The following IQGAP1 variants were observed in gnomAD, a reference collection of about 807,000 sequenced individuals.
IQGAP1 encodes ras GTPase-activating-like protein IQGAP1.
In IQGAP1, 66 loss-of-function variants were observed where a neutral mutation model predicts 215.6. The observed-to-expected ratio is 0.31, with a 90% CI of 0.25 to 0.38. The LOEUF is 0.38. Among genes scored for constraint, IQGAP1 ranks in the 10% least tolerant of loss-of-function variants. The pLI is 1.00. For synonymous variants in IQGAP1, 772 were observed against 728.7 expected, an observed-to-expected ratio of 1.06 and a Z score of -0.96; for missense variants, 1,712 against 1,997.1, an observed-to-expected ratio of 0.86 and a Z score of 2.72.
At chr15:90,492,281 T>G (rs1172875081) in intron 34 of IQGAP1, among the ~76,000 whole-genome samples, 1 of 152,090 alleles carries the variant, frequency 6.6e-6, no homozygotes, top group Non-Finnish European at 1.5e-5. Flanking sequence ...AGTTTTTTAA[T>G]TAGCCAGATG....
rs1411154678 is a variant in IQGAP1, at chr15:90,483,404, T to C, written c.3599T>C (p.Ile1200Thr). The C allele has an allele frequency of 1.2e-6, 2 of 1,614,050 alleles. No individual in the cohort carries two copies. The highest frequency in any genetic ancestry group is 1.7e-6 in the Non-Finnish European group (2 of 1,180,022). Residue 1200 changes from isoleucine (I) to threonine (T), a missense_variant, in exon 29 of 38, where the codon ATT becomes ACT. Physicochemically the swap from Ile to Thr is moderately conservative, Grantham distance 89 (BLOSUM62 -1). Around this residue, in one of 2 missense-constraint regions of IQGAP1, gnomAD observed 691 missense variants for 923.0 expected, o/e 0.75. Coordinates refer to ENST00000268182, the MANE Select transcript of IQGAP1 (RefSeq NM_003870.4). ...TATTATCGATACATGAATCCAGCCA[T>C]TGTTGCTCCTGATGCCTTTGACATC... ...LLYYRYMNPA[I>T]VAPDAFDIID... is the part of the protein sequence containing the mutation.
At chr15:90,438,331 C>T (rs997997674) in intron 5 of IQGAP1, among the ~76,000 whole-genome samples, 1 of 152,154 alleles carries the variant, frequency 6.6e-6, no homozygotes, top group Non-Finnish European at 1.5e-5. Context: ...GGCTTATGGA[C>T]ATTAATTTAT....
intron 2 of IQGAP1, among the ~76,000 whole-genome samples, chr15:90,422,251 C>T (rs1965147107): frequency 6.6e-6 from 1 of 152,080 alleles, no homozygotes; most frequent in Admixed American, 6.5e-5. Context: ...TATTGGATGA[C>T]CTTGGATCAG....
intron 15 of IQGAP1, among the ~76,000 whole-genome samples, chr15:90,459,726 T>C (rs563424873): frequency 6.6e-6 from 1 of 152,314 alleles, no homozygotes; most frequent in South Asian, 2.1e-4. Flanking sequence ...GTTTTGTTTT[T>C]TGTTTTTGGC....
At chr15:90,416,698 C>T (rs1341605955) in intron 2 of IQGAP1, among the ~76,000 whole-genome samples, 2 of 152,064 alleles carry the variant, frequency 1.3e-5, no homozygotes, top group Non-Finnish European at 2.9e-5. Context: ...CTGCCTCAGC[C>T]TCCCGAGTAG....
At chr15:90,395,329 G>GT (rs960382150) in intron 2 of IQGAP1, among the ~76,000 whole-genome samples, 64 of 148,732 alleles carry the variant, frequency 4.3e-4, no homozygotes, top group East Asian at 4.1e-3. Flanking sequence ...TTGTTTTTTT[G>GT]TTTTTTTTTG....
chr15:90,477,897 A>C lies in IQGAP1; in HGVS notation c.3329+8A>C, dbSNP rs769908058. ...TCAGACAGGAGAGGCAAGGTATGTT[A>C]ACCATAATGACACTTTTCTTTCATG... is the stretch of plus-strand genomic sequence containing the variant. On this transcript the variant is annotated splice_region_variant and intron_variant, in intron 26 of 37. Transcript: ENST00000268182. The C allele has an allele frequency of 6.5e-5, 100 of 1,533,054 alleles. No individual in the cohort carries two copies. The highest frequency in any genetic ancestry group is 8.7e-5 in the Non-Finnish European group (96 of 1,106,244). 95.0% of individuals were successfully genotyped at this position (1,533,054 alleles called of 1,614,324 possible).
chr15:90,474,924 C>G (rs8035825), intron 23 of IQGAP1: 11 of 521,090 alleles, frequency 2.1e-5, no homozygotes, highest in Admixed American at 6.3e-5. Context: ...ATTCTCCTCC[C>G]TCAACCTCCT....
intron 19 of IQGAP1, 69 bp from the exon 20 acceptor site, chr15:90,473,646 A>T (rs1224381598): frequency 1.7e-6 from 2 of 1,153,798 alleles, no homozygotes. Context: ...TATCAAGATG[A>T]AAGTTTTTTT....
At chr15:90,440,801 G>A (rs925588580) in intron 7 of IQGAP1, among the ~76,000 whole-genome samples, 186 bp downstream of exon 7, 4 of 152,222 alleles carry the variant, frequency 2.6e-5, no homozygotes, top group Non-Finnish European at 5.9e-5. Context: ...TCTGATTAAA[G>A]TGAAAGCATT....
intron 15 of IQGAP1, among the ~76,000 whole-genome samples, chr15:90,460,636 A>C (rs1020615027): frequency 2.0e-5 from 3 of 152,098 alleles, no homozygotes; most frequent in African/African-American, 7.2e-5. Context: ...CACTGTTCTT[A>C]CTGAGTTTCA....
In IQGAP1 at chr15:90,490,431, G is replaced by C. The variant is rs190275680; in HGVS notation, c.4249-902G>C. Reference sequence around the variant, plus strand: ...AACAGTGAGTGTAGATCATATGTTGGACAGGGACAGACAATGGACGGTGAC... The same window carrying C: ...AACAGTGAGTGTAGATCATATGTTGCACAGGGACAGACAATGGACGGTGAC... On this transcript the variant is annotated intron_variant, in intron 33 of 37. Coordinates refer to ENST00000268182, the MANE Select transcript of IQGAP1 (RefSeq NM_003870.4). 2.2e-3 allele frequency among the ~76,000 whole-genome samples: 311 copies of C among 141,584 alleles called. 1 individual carries two copies. The highest frequency in any genetic ancestry group is 5.2e-4 in the Non-Finnish European group (33 of 63,850). 92.9% of individuals were successfully genotyped at this position (141,584 alleles called of 152,430 possible).
At chr15:90,440,230 G>A (rs1207468581) in intron 6 of IQGAP1, among the ~76,000 whole-genome samples, 1 of 152,184 alleles carries the variant, frequency 6.6e-6, no homozygotes, top group Non-Finnish European at 1.5e-5. Flanking sequence ...TGTAGGAAAT[G>A]CCATAAGTAG....
At chr15:90,490,287 A>G (rs900765087) in intron 33 of IQGAP1, among the ~76,000 whole-genome samples, 14 of 152,244 alleles carry the variant, frequency 9.2e-5, no homozygotes, top group African/African-American at 1.7e-4. Context: ...CAAACCATGC[A>G]TAGAGCAAGA....
intron 11 of IQGAP1, among the ~76,000 whole-genome samples, chr15:90,451,914 C>G (rs941070109): frequency 6.6e-6 from 1 of 151,770 alleles, no homozygotes; most frequent in Non-Finnish European, 1.5e-5. Context: ...ACTGCAACCT[C>G]TGACTCCCTG....
intron 2 of IQGAP1, among the ~76,000 whole-genome samples, chr15:90,423,599 C>G (rs112871898): frequency 0.065 from 9,891 of 152,264 alleles, 441 homozygotes; most frequent in Middle Eastern, 0.19. Context: ...GATTGGTGGG[C>G]AAGCCACATA....
At chr15:90,435,331 C>A (rs1473569742) in intron 5 of IQGAP1, among the ~76,000 whole-genome samples, 2 of 152,096 alleles carry the variant, frequency 1.3e-5, no homozygotes, top group African/African-American at 2.4e-5. Flanking sequence ...AAAAAATTAG[C>A]TAGGCATGGT....
At chr15:90,446,589 CA>C (rs1157935838) in intron 9 of IQGAP1, among the ~76,000 whole-genome samples, 1 of 152,098 alleles carries the variant, frequency 6.6e-6, no homozygotes, top group Non-Finnish European at 1.5e-5. Flanking sequence ...TATAAAAGGA[CA>C]GTCTTTTCCT....
At chr15:90,459,675 T>A (rs1259991176) in intron 15 of IQGAP1, among the ~76,000 whole-genome samples, 3 of 152,170 alleles carry the variant, frequency 2.0e-5, no homozygotes, top group Non-Finnish European at 4.4e-5. Context: ...GGAATTGTTT[T>A]TTGTTTGTTT....
Sources: gnomAD v4.1 joint callset for allele counts (sites outside exome capture counted in the v4.1 genomes callset) on GRCh38, gnomAD v4.1.1 for gene constraint, gnomAD v4.1.1 regional missense constraint, MANE v1.5 for transcripts, NCBI Gene and HGNC (gene_info 2026-07-23, HGNC 2026-07-21) for gene names.